The following AP1S3 variants were observed in gnomAD, a reference collection of about 807,000 sequenced individuals.
AP1S3 encodes the protein adaptor related protein complex 1 subunit sigma 3.
AP1S3 carries 10 observed loss-of-function variants against 20.9 expected under a neutral mutation model. The ratio of observed to expected loss-of-function variants is 0.48; its 90% CI spans 0.29 to 0.81. The LOEUF (loss-of-function observed/expected upper bound fraction) is 0.81. AP1S3 is among the 30% of genes least tolerant of loss of function. The pLI is 0.08. For missense variants in AP1S3, 154 were observed against 183.8 expected (o/e 0.84, Z 0.94); for synonymous variants, 41 against 61.5 (o/e 0.67, Z 1.56).
At chr2:223,767,040 A>T (rs1487691775) in intron 3 of AP1S3, among the ~76,000 whole-genome samples, 2 of 146,526 alleles carry the variant, frequency 1.4e-5, no homozygotes, top group Non-Finnish European at 3.0e-5. Flanking sequence ...AACATCACAC[A>T]CCGGAGTGTG....
chr2:223,772,491 T>C (rs1331478270), intron 3 of AP1S3, among the ~76,000 whole-genome samples: 1 of 152,232 alleles, frequency 6.6e-6, no homozygotes, highest in Admixed American at 6.5e-5. Context: ...CTGTAGTCTG[T>C]AATGCAGAAA....
intron 1 of AP1S3, among the ~76,000 whole-genome samples, chr2:223,784,028 C>T (rs1691017644): frequency 6.6e-6 from 1 of 150,388 alleles, no homozygotes; most frequent in Admixed American, 6.7e-5. Flanking sequence ...TTTTTCCCAC[C>T]TCTACAGCCA....
At chr2:223,767,131 T>C (rs777079749) in intron 3 of AP1S3, among the ~76,000 whole-genome samples, 12 of 152,002 alleles carry the variant, frequency 7.9e-5, no homozygotes, top group South Asian at 2.1e-4. Flanking sequence ...TAAATACCTA[T>C]GTAACAAACC....
At chr2:223,823,826 T>C (rs541453504) in intron 1 of AP1S3, among the ~76,000 whole-genome samples, 1 of 152,350 alleles carries the variant, frequency 6.6e-6, no homozygotes, top group South Asian at 2.1e-4. Flanking sequence ...GCAATGTGTA[T>C]ACATATCAAA....
rs371945706 is a variant in AP1S3, at chr2:223,759,295, A to G, written c.430-545T>C. Among the ~76,000 whole-genome samples the G allele has an allele frequency of 5.1e-3, 772 of 150,226 alleles. 8 individuals are homozygous for G. The highest frequency in any genetic ancestry group is 0.018 in the African/African-American group (721 of 40,978). On this transcript the variant is annotated intron_variant, in intron 4 of 4. Coordinates refer to ENST00000396654, the MANE Select transcript of AP1S3 (RefSeq NM_001039569.2). ...CTCCGTCTCAAAAACAAAAAAAAAAAAGAGAGAGAGAGAGAGATTGAAATG... is the reference window on the plus strand; with the variant it reads ...CTCCGTCTCAAAAACAAAAAAAAAAGAGAGAGAGAGAGAGAGATTGAAATG...
intron 3 of AP1S3, among the ~76,000 whole-genome samples, chr2:223,774,506 T>A (rs1476630124): frequency 6.6e-6 from 1 of 152,094 alleles, no homozygotes; most frequent in Non-Finnish European, 1.5e-5. Context: ...TTATTGTACA[T>A]GATGGAAAGT....
rs961676967 is a variant in AP1S3, at chr2:223,773,421, T to A, written c.291+2480A>T. 4.0e-6 allele frequency: 5 copies of A among 1,252,424 alleles called. No individual in the cohort carries two copies. In the Admixed American group the frequency reaches 1.4e-4, roughly 34 times the overall value. 77.6% of individuals were successfully genotyped at this position (1,252,424 alleles called of 1,614,324 possible). A position where few individuals can be genotyped will look rare whatever the true frequency, so the allele number is the denominator to read the frequency against. The stretch of plus-strand genomic sequence containing the variant: ...TTGAATAGTAGAAAGTATTAAATAA[T>A]ATGTTTGAAAACATGTTATTATACA... On this transcript the variant is annotated intron_variant, in intron 3 of 4. Transcript: ENST00000396654.
chr2:223,806,191 C>T lies in AP1S3; in HGVS notation c.4-28322G>A, dbSNP rs1691575254. On this transcript the variant is annotated intron_variant, in intron 1 of 4. Transcript: ENST00000396654. ...TGTTGAAAGCACCAAGCCCAAATAA[C>T]ACCTCCTGGTAATCACGTCAGGAAA... 2.0e-5 allele frequency among the ~76,000 whole-genome samples: 3 copies of T among 152,158 alleles called. No homozygotes were observed. The South Asian group carries it at 6.2e-4, about 31-fold the overall frequency.
chr2:223,812,385 C>A (rs992741311), intron 1 of AP1S3, among the ~76,000 whole-genome samples: 1 of 152,160 alleles, frequency 6.6e-6, no homozygotes, highest in Admixed American at 6.6e-5. Flanking sequence ...CCACGCCTGG[C>A]TAATTTTTGT....
intron 4 of AP1S3, among the ~76,000 whole-genome samples, chr2:223,762,429 C>A (rs1690381105): frequency 1.3e-5 from 2 of 152,018 alleles, no homozygotes; most frequent in South Asian, 4.1e-4. Flanking sequence ...TGTACCACCA[C>A]ACCTGGCTAA....
intron 1 of AP1S3, among the ~76,000 whole-genome samples, chr2:223,786,458 A>G (rs1393630657): frequency 6.6e-6 from 1 of 152,132 alleles, no homozygotes; most frequent in African/African-American, 2.4e-5. Context: ...GATCGTAATC[A>G]ACATAATAAA....
rs1401924063 is a variant in AP1S3, at chr2:223,758,841, C to T, written c.430-91G>A. 5.2e-6 allele frequency: 6 copies of T among 1,147,814 alleles called. No homozygotes were observed. The African/African-American group carries it at 6.3e-5, about 12-fold the overall frequency. 71.1% of individuals were successfully genotyped at this position (1,147,814 alleles called of 1,614,324 possible). On this transcript the variant is annotated intron_variant, in intron 4 of 4. Transcript: ENST00000396654. Reference sequence around the variant, plus strand: ...TCTTCTGCATTCTTTTATTTATTTGCCATTGTTGAAAACAAGTTGTCAAAA... The same window carrying T: ...TCTTCTGCATTCTTTTATTTATTTGTCATTGTTGAAAACAAGTTGTCAAAA...
chr2:223,770,127 AAAC>A (rs1398934472), intron 3 of AP1S3: 38 of 1,513,128 alleles, frequency 2.5e-5, no homozygotes, highest in Middle Eastern at 3.4e-4. Context: ...CAATAGAAAG[AAAC>A]AAAAAGAAAT....
chr2:223,810,708 T>C (rs1010335919), intron 1 of AP1S3, among the ~76,000 whole-genome samples: 2 of 150,024 alleles, frequency 1.3e-5, no homozygotes, highest in Admixed American at 6.7e-5. Flanking sequence ...AAAGTCTACA[T>C]ACCTAAATGC....
Position 223,795,268 on chromosome 2 carries a change from T to G in AP1S3, c.4-17399A>C, listed in dbSNP as rs541043751. On this transcript the variant is annotated intron_variant, in intron 1 of 4. Transcript: ENST00000396654. ...CCATCTCAAAAATTAAAAAAAAATT[T>G]TAAAAATTTATAAAGGCCATCTGCT... Among the ~76,000 whole-genome samples the G allele has an allele frequency of 9.5e-4, 145 of 152,146 alleles. 1 individual carries two copies. Among genetic ancestry groups the G allele is most frequent in the Middle Eastern group, 3.4e-3 (1 of 294 alleles).
intron 1 of AP1S3, among the ~76,000 whole-genome samples, chr2:223,794,069 G>A (rs1007169571): frequency 3.3e-5 from 5 of 151,888 alleles, no homozygotes; most frequent in African/African-American, 1.2e-4. Flanking sequence ...CACCTCTTGG[G>A]TTTTTTTTCC....
chr2:223,792,196 T>A (rs2106104042), intron 1 of AP1S3, among the ~76,000 whole-genome samples: 1 of 152,068 alleles, frequency 6.6e-6, no homozygotes, highest in East Asian at 1.9e-4. Context: ...GCCAAGACAA[T>A]CCTAAGCAAA....
chr2:223,834,827 C>A (rs899549030), intron 1 of AP1S3, among the ~76,000 whole-genome samples: 7 of 151,266 alleles, frequency 4.6e-5, no homozygotes, highest in Admixed American at 4.6e-4. Context: ...TTTTTATGAC[C>A]AATAACAATA....
At chr2:223,795,225 G>C (rs756682402) in intron 1 of AP1S3, among the ~76,000 whole-genome samples, 5 of 151,898 alleles carry the variant, frequency 3.3e-5, no homozygotes, top group Admixed American at 6.6e-5. Flanking sequence ...CTCCAGCCTG[G>C]GCAACAAGAG....
Sources: gnomAD v4.1 joint callset for allele counts (sites outside exome capture counted in the v4.1 genomes callset) on GRCh38, gnomAD v4.1.1 for gene constraint, MANE v1.5 for transcripts, NCBI Gene and HGNC (gene_info 2026-07-23, HGNC 2026-07-21) for gene names.